Variants in TTLL13 observed in about 807,000 individuals in gnomAD.
The protein encoded by TTLL13 is tubulin tyrosine ligase like 13.
At chr15:90,263,648 C>A in the TTLL13 span, 1 of 604,324 alleles carries the variant, frequency 1.7e-6, no homozygotes, top group Non-Finnish European at 3.0e-6. Context: ...GTGGCCGCGG[C>A]CTAGAAGAGA....
At chr15:90,262,698 T>C in the TTLL13 span, 2 of 1,451,994 alleles carry the variant, frequency 1.4e-6, no homozygotes, top group Non-Finnish European at 1.8e-6. Flanking sequence ...CTCTTATCTT[T>C]CCACAGGAAA....
At chr15:90,251,515 C>G in the TTLL13 span, 1 of 1,590,756 alleles carries the variant, frequency 6.3e-7, no homozygotes, top group Admixed American at 1.7e-5. Context: ...CTGTCCTTCC[C>G]TCCCACTCTT....
the TTLL13 span, chr15:90,257,583 G>T: frequency 6.5e-7 from 1 of 1,540,486 alleles, no homozygotes; most frequent in South Asian, 1.1e-5. Flanking sequence ...TGAAGGGCTG[G>T]AGAGGACGGC....
At chr15:90,251,932 T>C in the TTLL13 span, among the ~76,000 whole-genome samples, 10 of 151,976 alleles carry the variant, frequency 6.6e-5, no homozygotes, top group Non-Finnish European at 1.2e-4. Flanking sequence ...TGGAGTGCAG[T>C]ATTGCAATCA....
the TTLL13 span, chr15:90,258,175 T>C: frequency 6.2e-7 from 1 of 1,614,268 alleles, no homozygotes; most frequent in Non-Finnish European, 8.5e-7. Flanking sequence ...CGAACCTGTT[T>C]TCCCCAGTAT....
chr15:90,251,114 C>CTTTTTTTTTTTTTTTTTTTTTTTTTTTT, the TTLL13 span, among the ~76,000 whole-genome samples: 1 of 104,672 alleles, frequency 9.6e-6, no homozygotes, highest in Non-Finnish European at 1.8e-5. Context: ...CCTGGTCTGT[C>CTTTTTTTTTTTTTTTTTTTTTTTTTTTT]TTTTTTTTTT....
chr15:90,264,750 T>C, the TTLL13 span: 8 of 1,536,000 alleles, frequency 5.2e-6, no homozygotes, highest in Non-Finnish European at 7.0e-6. Context: ...CTAGAAGCCA[T>C]AAACCGAGTC....
chr15:90,259,629 G>T, the TTLL13 span, among the ~76,000 whole-genome samples: 2 of 152,174 alleles, frequency 1.3e-5, no homozygotes, highest in Non-Finnish European at 2.9e-5. Flanking sequence ...GGTTAGCAAC[G>T]TATTTTAGAG....
At chr15:90,264,098 T>C in the TTLL13 span, 83 of 1,264,382 alleles carry the variant, frequency 6.6e-5, no homozygotes, top group Non-Finnish European at 8.9e-5. Flanking sequence ...TTGACATATG[T>C]AAATCCCACT....
chr15:90,254,856 G>GA, the TTLL13 span, among the ~76,000 whole-genome samples: 4 of 150,586 alleles, frequency 2.7e-5, no homozygotes, highest in South Asian at 2.1e-4. Context: ...AGGGAAGGGG[G>GA]AAAAAAAAAG....
At chr15:90,263,092 A>G in the TTLL13 span, 5 of 1,535,878 alleles carry the variant, frequency 3.3e-6, no homozygotes, top group African/African-American at 6.8e-5. Context: ...AGAGCAGCTC[A>G]CCCGTCTGCA....
chr15:90,263,646 G>A, the TTLL13 span: 98 of 598,912 alleles, frequency 1.6e-4, 1 homozygote, highest in African/African-American at 1.6e-3. Context: ...TAGTGGCCGC[G>A]GCCTAGAAGA....
At chr15:90,256,578 TTTC>T in the TTLL13 span, among the ~76,000 whole-genome samples, 1 of 32,552 alleles carries the variant, frequency 3.1e-5, no homozygotes, top group Admixed American at 4.2e-4. Context: ...TCTTTCTTTC[TTTC>T]TTTCTTTCTT....
At chr15:90,257,238 G>T in the TTLL13 span, 11 of 1,612,982 alleles carry the variant, frequency 6.8e-6, no homozygotes, top group East Asian at 2.5e-4. Flanking sequence ...GGCCTAGCCC[G>T]TTTTGCCACC....
At chr15:90,264,111 C>A in the TTLL13 span, 1 of 1,167,144 alleles carries the variant, frequency 8.6e-7, no homozygotes, top group Non-Finnish European at 1.2e-6. Context: ...ATCCCACTAG[C>A]AAGCATAGAG....
At chr15:90,259,100 T>A in the TTLL13 span, 1 of 1,408,016 alleles carries the variant, frequency 7.1e-7, no homozygotes, top group Non-Finnish European at 9.3e-7. Flanking sequence ...TGGTGGCTCA[T>A]ATCTGTAATC....
At chr15:90,250,384 G>A in the TTLL13 span, among the ~76,000 whole-genome samples, 1 of 152,216 alleles carries the variant, frequency 6.6e-6, no homozygotes. Flanking sequence ...TGTGAACCTG[G>A]ATGATTGGGG....
chr15:90,254,774 A>G, the TTLL13 span, among the ~76,000 whole-genome samples: 1 of 152,136 alleles, frequency 6.6e-6, no homozygotes, highest in South Asian at 2.1e-4. Context: ...TGAGCCTGGG[A>G]GGCAGAGGCC....
chr15:90,265,075 C>A, the TTLL13 span: 2 of 1,378,432 alleles, frequency 1.5e-6, no homozygotes, highest in Non-Finnish European at 1.9e-6. Flanking sequence ...CTTTGAAAAG[C>A]CCTGCCCAGG....
Sources: gnomAD v4.1 joint callset for allele counts (sites outside exome capture counted in the v4.1 genomes callset) on GRCh38, gnomAD v4.1.1 for gene constraint, MANE v1.5 for transcripts, NCBI Gene and HGNC (gene_info 2026-07-23, HGNC 2026-07-21) for gene names.